CC2D2B: variants seen among roughly 807,000 people sequenced by gnomAD.
CC2D2B encodes the protein coiled-coil and C2 domain containing 2B.
CC2D2B carries 128 observed loss-of-function variants against 161.2 expected under a neutral mutation model. The observed-to-expected ratio is 0.79, with a 90% CI of 0.69 to 0.92. The LOEUF (loss-of-function observed/expected upper bound fraction) is 0.92. CC2D2B is among the 40% of genes least tolerant of loss of function. The pLI, the probability that CC2D2B is intolerant of heterozygous loss-of-function variation, is 0.00. For synonymous variants in CC2D2B, 391 were observed against 449.8 expected, an observed-to-expected ratio of 0.87 and a Z score of 1.65; for missense variants, 1,173 against 1,375.1, an observed-to-expected ratio of 0.85 and a Z score of 2.32.
chr10:95,950,084 A>T lies in CC2D2B; in HGVS notation c.990A>T (p.Val330=). The change falls in exon 10 of 35, where the codon GTA becomes GTT. Residue 330 remains valine, a synonymous_variant. Transcript: ENST00000646931. ...TTCAGGACAGGCAGCAACAGAATGTATCTCAGCTGCTTTATGAGAAGGTGA... is the reference window on the plus strand; with the variant it reads ...TTCAGGACAGGCAGCAACAGAATGTTTCTCAGCTGCTTTATGAGAAGGTGA... ...ECFQDRQQQN[V]SQLLYEKLKA... 1 of 398,834 alleles carries T rather than the reference A, an allele frequency of 2.5e-6. No homozygotes were observed. Among genetic ancestry groups the T allele is most frequent in the African/African-American group, 2.1e-5 (1 of 48,762 alleles). The allele number at this position is 398,834 out of a possible 1,614,324, so 24.7% of individuals were successfully genotyped here.
intron 2 of CC2D2B, among the ~76,000 whole-genome samples, chr10:95,916,450 G>T (rs1205668932): frequency 6.6e-6 from 1 of 151,570 alleles, no homozygotes; most frequent in African/African-American, 2.4e-5. Flanking sequence ...GGTTTGATTT[G>T]CTCTTGCTTT....
intron 21 of CC2D2B, among the ~76,000 whole-genome samples, chr10:95,992,101 A>G (rs1564647052): frequency 6.6e-6 from 1 of 152,162 alleles, no homozygotes; most frequent in East Asian, 1.9e-4. Context: ...TGACCATAAA[A>G]CTATAATTCT....
At chr10:95,914,592 G>C (rs187416655) in intron 2 of CC2D2B, among the ~76,000 whole-genome samples, 1 of 152,266 alleles carries the variant, frequency 6.6e-6, no homozygotes, top group Non-Finnish European at 1.5e-5. Flanking sequence ...TTGTTATAGT[G>C]AGTGAGTGAG....
chr10:95,926,873 T>TGC (rs1554829000), intron 5 of CC2D2B, among the ~76,000 whole-genome samples: 32 of 150,270 alleles, frequency 2.1e-4, no homozygotes, highest in African/African-American at 2.2e-4. Context: ...TGTGTGTGTG[T>TGC]GCGCGCGCCT....
At chr10:95,968,675 T>C (rs2077023735) in intron 14 of CC2D2B, 49 bp from the exon 15 acceptor site, 2 of 707,662 alleles carry the variant, frequency 2.8e-6, no homozygotes, top group Non-Finnish European at 3.9e-6. Context: ...CAATATGTTA[T>C]GTCTGTTGTA....
In CC2D2B at chr10:96,019,328, T is replaced by C. The variant is rs752889313; in HGVS notation, c.3756T>C (p.Asp1252=). Residue 1252 remains aspartate (D), a synonymous_variant, in exon 31 of 35, where the codon GAT becomes GAC. Transcript: ENST00000646931. ...TAAAAAGTGTAGATTGTTTGTTTGA[T>C]GATAGAAATGTAAGTATATGGGGAA... ...CPLKSVDCLF[D]DRNVWFNIQQ... The C allele has an allele frequency of 1.1e-5, 18 of 1,609,006 alleles. No individual in the cohort carries two copies. The highest frequency in any genetic ancestry group is 1.5e-5 in the Non-Finnish European group (18 of 1,178,684).
intron 11 of CC2D2B, among the ~76,000 whole-genome samples, 175 bp downstream of exon 11, chr10:95,955,666 G>T (rs1034181470): frequency 6.6e-6 from 1 of 151,958 alleles, no homozygotes; most frequent in Non-Finnish European, 1.5e-5. Context: ...ATTTCACAGG[G>T]GTGCCATGTG....
At chr10:96,001,266 T>A (rs1392704709) in intron 24 of CC2D2B, among the ~76,000 whole-genome samples, 1 of 152,218 alleles carries the variant, frequency 6.6e-6, no homozygotes, top group South Asian at 2.1e-4. Context: ...TTTTTTCAAA[T>A]AATATGTTTC....
rs200616864 is a variant in CC2D2B at position 96,003,031 on chromosome 10, T to A, written c.2850-1121T>A. On this transcript the variant is annotated intron_variant, in intron 24 of 34. Coordinates refer to ENST00000646931, the MANE Select transcript of CC2D2B (RefSeq NM_001349008.3). ...CTCAAAAAATAAATAAATATATATA[T>A]ATATATATATATAGAAATAAATAAA... is the stretch of plus-strand genomic sequence containing the variant. Among the ~76,000 whole-genome samples the A allele has an allele frequency of 8.1e-4, 119 of 147,268 alleles. No individual in the cohort carries two copies. The East Asian group carries it at 0.02, about 24-fold the overall frequency.
At chr10:95,927,144 A>G (rs1394223538) in intron 5 of CC2D2B, 93 bp from the exon 6 acceptor site, 2 of 657,172 alleles carry the variant, frequency 3.0e-6, no homozygotes, top group East Asian at 5.9e-5. Flanking sequence ...CTAGAGAGAT[A>G]ACAATTATGT....
intron 22 of CC2D2B, among the ~76,000 whole-genome samples, chr10:95,993,853 G>T (rs11188545): frequency 0.17 from 12,775 of 74,826 alleles, 821 homozygotes; most frequent in African/African-American, 0.27. Context: ...TATATATATA[G>T]AGAGAGAGAG....
At chr10:95,974,522 A>G (rs186533460) in intron 17 of CC2D2B, among the ~76,000 whole-genome samples, 1 of 152,258 alleles carries the variant, frequency 6.6e-6, no homozygotes, top group African/African-American at 2.4e-5. Context: ...GAGTTCCCAG[A>G]AGGGTTGGGG....
At chr10:95,918,676 A>G (rs2098521082) in intron 2 of CC2D2B, among the ~76,000 whole-genome samples, 1 of 152,114 alleles carries the variant, frequency 6.6e-6, no homozygotes, top group African/African-American at 2.4e-5. Context: ...GGAAAGTGTT[A>G]TTATCTTTTG....
chr10:95,959,135 A>C (rs1456863595), intron 11 of CC2D2B, among the ~76,000 whole-genome samples: 5 of 152,206 alleles, frequency 3.3e-5, no homozygotes, highest in Non-Finnish European at 5.9e-5. Flanking sequence ...AAAGACAAGA[A>C]AAAAAACCTT....
intron 6 of CC2D2B, among the ~76,000 whole-genome samples, chr10:95,934,397 C>T (rs1213322572): frequency 2.6e-5 from 4 of 151,034 alleles, no homozygotes; most frequent in Non-Finnish European, 4.4e-5. Flanking sequence ...ACGGTTCTGT[C>T]GATTCTGTCT....
chr10:95,927,240 T>C lies in CC2D2B; in HGVS notation c.244T>C (p.Ser82Pro). 1 of 1,530,974 alleles carries C rather than the reference T, an allele frequency of 6.5e-7. No individual in the cohort carries two copies. The highest frequency in any genetic ancestry group is 8.9e-7 in the Non-Finnish European group (1 of 1,128,772). The allele number at this position is 1,530,974 out of a possible 1,614,324, so 94.8% of individuals were successfully genotyped here. A position where few individuals can be genotyped will look rare whatever the true frequency, so the allele number is the denominator to read the frequency against. ...ACTAAATACTGGTTTATCATAGTTG[T>C]CTCCACAGACTGAAGTCTCATTGGA... is the stretch of plus-strand genomic sequence containing the variant. ...DSEIHQRSKL[S>P]PQTEVSLDES... The change falls in exon 6 of 35, where the codon TCT becomes CCT. Residue 82 changes from serine (S) to proline (P), a missense_variant. Ser to Pro is a moderately conservative substitution (Grantham distance 74). Transcript: ENST00000646931.
At chr10:95,995,547 A>G (rs547154094) in intron 23 of CC2D2B, among the ~76,000 whole-genome samples, 182 bp downstream of exon 23, 38 of 152,338 alleles carry the variant, frequency 2.5e-4, no homozygotes, top group African/African-American at 7.5e-4. Flanking sequence ...CTCAGGGTCT[A>G]TATGATAAGG....
chr10:96,009,950 T>C, intron 26 of CC2D2B, 27 bp downstream of exon 26: 1 of 1,449,428 alleles, frequency 6.9e-7, no homozygotes, highest in Non-Finnish European at 9.6e-7. Flanking sequence ...CTTTGCTCAT[T>C]CTAAGTTTTG....
intron 33 of CC2D2B, among the ~76,000 whole-genome samples, chr10:96,025,186 AAAAAAAATATATAT>A (rs1564684277): frequency 2.4e-5 from 1 of 41,376 alleles, no homozygotes; most frequent in African/African-American, 8.9e-5. Flanking sequence ...TATATATATA[AAAAAAAATATATAT>A]ATATATATAT....
Sources: allele counts gnomAD v4.1 joint callset (sites outside exome capture counted in the v4.1 genomes callset), GRCh38; gene constraint gnomAD v4.1.1; transcripts MANE v1.5; gene names NCBI Gene and HGNC (gene_info 2026-07-23, HGNC 2026-07-21).